The following DCDC2C variants were observed in gnomAD, a reference collection of about 807,000 sequenced individuals.
DCDC2C encodes doublecortin domain containing 2C.
Under a neutral mutation model 45.0 loss-of-function variants are expected in DCDC2C, and 44 were observed. The observed-to-expected ratio is 0.98, with a 90% confidence interval of 0.77 to 1.26. The LOEUF (loss-of-function observed/expected upper bound fraction) is 1.26, where lower values mean the gene tolerates loss of function less well. Ranked by LOEUF, DCDC2C falls within the 50% of genes most tolerant of loss-of-function variation. DCDC2C has a pLI of 0.00. For missense variants in DCDC2C, 447 were observed against 468.9 expected (o/e 0.95, Z 0.43); for synonymous variants, 187 against 178.8 (o/e 1.05, Z -0.37).
intron 10 of DCDC2C, chr2:3,844,063 A>G (rs995450487): frequency 6.6e-6 from 1 of 152,178 alleles, no homozygotes; most frequent in Admixed American, 6.5e-5. Flanking sequence ...TTATTTACTG[A>G]AAACAAGAAA....
chr2:3,825,899 C>T (rs60957460), intron 10 of DCDC2C, among the ~76,000 whole-genome samples: 8,125 of 152,152 alleles, frequency 0.053, 739 homozygotes, highest in African/African-American at 0.19. Context: ...AATCTCATGC[C>T]TCAGGATCCA....
chr2:3,736,127 G>A (rs1397846369), intron 3 of DCDC2C, among the ~76,000 whole-genome samples: 1 of 152,154 alleles, frequency 6.6e-6, no homozygotes, highest in Non-Finnish European at 1.5e-5. Context: ...GAGGGAAGCA[G>A]AAGAACTTAA....
intron 3 of DCDC2C, among the ~76,000 whole-genome samples, chr2:3,731,201 C>T (rs969759534): frequency 1.1e-4 from 16 of 152,112 alleles, no homozygotes; most frequent in African/African-American, 3.9e-4. Context: ...AGGGACAGAC[C>T]ACCCTACCAG....
chr2:3,708,490 G>A, intron 1 of DCDC2C, 59 bp from the exon 2 acceptor site: 1 of 1,369,716 alleles, frequency 7.3e-7, no homozygotes, highest in South Asian at 1.3e-5. Flanking sequence ...TAAGGAGTCT[G>A]GAACTTTCTA....
chr2:3,710,808 G>T (rs1319694172), intron 2 of DCDC2C, among the ~76,000 whole-genome samples: 1 of 152,168 alleles, frequency 6.6e-6, no homozygotes, highest in African/African-American at 2.4e-5. Flanking sequence ...TTTTATGGCT[G>T]CATAGTATTC....
intron 1 of DCDC2C, among the ~76,000 whole-genome samples, chr2:3,707,174 T>C (rs2148038782): frequency 6.6e-6 from 1 of 152,334 alleles, no homozygotes; most frequent in African/African-American, 2.4e-5. Flanking sequence ...TCATGGGCTG[T>C]CTGAGGAACT....
chr2:3,827,886 C>T (rs1206248645), intron 10 of DCDC2C, among the ~76,000 whole-genome samples: 1 of 152,156 alleles, frequency 6.6e-6, no homozygotes, highest in Non-Finnish European at 1.5e-5. Context: ...GGTGTCCATC[C>T]AGTTTTAGAA....
chr2:3,789,801 T>A (rs1335808679), intron 10 of DCDC2C, among the ~76,000 whole-genome samples: 1 of 152,244 alleles, frequency 6.6e-6, no homozygotes, highest in Non-Finnish European at 1.5e-5. Flanking sequence ...CTTGTGGCTT[T>A]TAGGCTTTGG....
intron 10 of DCDC2C, among the ~76,000 whole-genome samples, chr2:3,792,610 C>A (rs1397755683): frequency 6.6e-6 from 1 of 151,034 alleles, no homozygotes; most frequent in Non-Finnish European, 1.5e-5. Context: ...TAACATAGAC[C>A]TGGTTGTAAA....
chr2:3,735,649 T>A (rs1053985806), intron 3 of DCDC2C, among the ~76,000 whole-genome samples: 4 of 152,154 alleles, frequency 2.6e-5, no homozygotes, highest in African/African-American at 9.7e-5. Context: ...AGGAATATGG[T>A]TCATTTTCCC....
chr2:3,705,844 T>G (rs1299141028), intron 1 of DCDC2C, among the ~76,000 whole-genome samples: 3 of 152,190 alleles, frequency 2.0e-5, no homozygotes, highest in Non-Finnish European at 4.4e-5. Context: ...TTTTACTTTT[T>G]GGGAGGAAAG....
At chr2:3,820,842 G>C (rs1671671892) in intron 10 of DCDC2C, among the ~76,000 whole-genome samples, 1 of 152,150 alleles carries the variant, frequency 6.6e-6, no homozygotes, top group African/African-American at 2.4e-5. Context: ...CCTTGGGCTG[G>C]TTGGTCTGAG....
intron 3 of DCDC2C, among the ~76,000 whole-genome samples, chr2:3,728,382 A>G (rs1668758420): frequency 6.6e-6 from 1 of 152,140 alleles, no homozygotes; most frequent in African/African-American, 2.4e-5. Flanking sequence ...ATAATAAGAC[A>G]CAGTATTTCT....
At chr2:3,804,495 T>G (rs1244556961) in intron 10 of DCDC2C, among the ~76,000 whole-genome samples, 2 of 152,204 alleles carry the variant, frequency 1.3e-5, no homozygotes, top group African/African-American at 4.8e-5. Flanking sequence ...TCCTCAAATG[T>G]TTTTTAGAAA....
intron 4 of DCDC2C, among the ~76,000 whole-genome samples, chr2:3,744,879 C>T (rs1365657042): frequency 1.3e-5 from 2 of 152,124 alleles, no homozygotes; most frequent in East Asian, 3.8e-4. Context: ...CAGAATGCAG[C>T]TATAAATATT....
intron 4 of DCDC2C, 46 bp from the exon 5 acceptor site, chr2:3,752,714 GCTA>G (rs1170447476): frequency 1.9e-6 from 3 of 1,544,872 alleles, no homozygotes. Flanking sequence ...CAAGCCCTAT[GCTA>G]CTGGTCCTCA....
intron 10 of DCDC2C, among the ~76,000 whole-genome samples, chr2:3,801,304 G>T (rs893584956): frequency 6.6e-6 from 1 of 152,300 alleles, no homozygotes; most frequent in East Asian, 1.9e-4. Flanking sequence ...ACCTATGTAC[G>T]TAACCTGTCC....
chr2:3,799,346 C>T (rs1161630104), intron 10 of DCDC2C, among the ~76,000 whole-genome samples: 3 of 152,206 alleles, frequency 2.0e-5, no homozygotes, highest in Non-Finnish European at 4.4e-5. Context: ...GTAATTTGAT[C>T]ATCTGAAGCC....
intron 2 of DCDC2C, among the ~76,000 whole-genome samples, chr2:3,718,648 C>T (rs998395046): frequency 6.6e-6 from 1 of 152,146 alleles, no homozygotes; most frequent in Non-Finnish European, 1.5e-5. Flanking sequence ...CATCGCCATG[C>T]AGTTAACACT....
Sources: allele counts gnomAD v4.1 joint callset (sites outside exome capture counted in the v4.1 genomes callset), GRCh38; gene constraint gnomAD v4.1.1; transcripts MANE v1.5; gene names NCBI Gene and HGNC (gene_info 2026-07-23, HGNC 2026-07-21).